Variants in ST6GAL1 observed in about 807,000 individuals in gnomAD.
ST6GAL1 encodes beta-galactoside alpha-2,6-sialyltransferase 1.
A neutral mutation model predicts 38.0 loss-of-function variants in ST6GAL1; 20 were observed. The ratio of observed to expected loss-of-function variants is 0.53; its 90% CI spans 0.37 to 0.77. ST6GAL1 has a LOEUF of 0.77. Among genes scored for constraint, ST6GAL1 ranks in the 30% least tolerant of loss-of-function variants. The pLI, the probability that ST6GAL1 is intolerant of heterozygous loss-of-function variation, is 0.00. For synonymous variants in ST6GAL1, 196 were observed against 188.2 expected (o/e 1.04, Z -0.34); for missense variants, 432 against 496.4 (o/e 0.87, Z 1.23).
chr3:187,047,911 G>T (rs1331801461), intron 4 of ST6GAL1, among the ~76,000 whole-genome samples: 1 of 151,056 alleles, frequency 6.6e-6, no homozygotes, highest in Non-Finnish European at 1.5e-5. Flanking sequence ...CCTCAAAAAA[G>T]TTTTCTCCTT....
chr3:187,022,426 G>A (rs571041919), intron 2 of ST6GAL1, among the ~76,000 whole-genome samples: 3 of 152,298 alleles, frequency 2.0e-5, no homozygotes, highest in Middle Eastern at 3.4e-3. Context: ...GGATTCTTTA[G>A]CTAACAGTAG....
intron 1 of ST6GAL1, among the ~76,000 whole-genome samples, chr3:186,957,667 T>A (rs1705039014): frequency 6.7e-6 from 1 of 149,600 alleles, no homozygotes; most frequent in African/African-American, 2.6e-5. Flanking sequence ...AAGAAAAGCT[T>A]CTTGACAGGA....
intron 2 of ST6GAL1, among the ~76,000 whole-genome samples, chr3:186,987,343 C>G (rs1433640099): frequency 6.6e-6 from 1 of 152,190 alleles, no homozygotes; most frequent in African/African-American, 2.4e-5. Flanking sequence ...TTACCACCTT[C>G]CTTATCCAGT....
At chr3:186,977,520 A>C (rs55958900) in intron 2 of ST6GAL1, among the ~76,000 whole-genome samples, 9,865 of 152,252 alleles carry the variant, frequency 0.065, 463 homozygotes, top group Non-Finnish European at 0.085. Context: ...TGAAAAGCTC[A>C]GAGCTACAAG....
chr3:186,985,299 G>A (rs964319643), intron 2 of ST6GAL1, among the ~76,000 whole-genome samples: 1 of 151,840 alleles, frequency 6.6e-6, no homozygotes, highest in Admixed American at 6.6e-5. Context: ...TTATATTTAC[G>A]GCTCTTAGTG....
At chr3:187,070,441 T>A (rs1388459816) in intron 5 of ST6GAL1, among the ~76,000 whole-genome samples, 1 of 149,066 alleles carries the variant, frequency 6.7e-6, no homozygotes, top group Non-Finnish European at 1.5e-5. Flanking sequence ...TTTTTTTTTT[T>A]TTTCGAGATG....
At chr3:186,978,677 A>T (rs1305327359) in intron 2 of ST6GAL1, among the ~76,000 whole-genome samples, 1 of 152,216 alleles carries the variant, frequency 6.6e-6, no homozygotes, top group African/African-American at 2.4e-5. Context: ...AAAACAATCT[A>T]ATAATGTTAT....
intron 1 of ST6GAL1, among the ~76,000 whole-genome samples, chr3:186,932,761 C>CT (rs11293711): frequency 4.6e-5 from 7 of 152,034 alleles, no homozygotes; most frequent in African/African-American, 1.7e-4. Flanking sequence ...ATTAAAGTTA[C>CT]TTTTTTTTTA....
chr3:186,999,547 G>A (rs1393394070), intron 2 of ST6GAL1, among the ~76,000 whole-genome samples: 1 of 152,026 alleles, frequency 6.6e-6, no homozygotes, highest in Non-Finnish European at 1.5e-5. Flanking sequence ...GAGTAGCTGG[G>A]ACTACAGGAG....
intron 1 of ST6GAL1, 75 bp from the exon 2 acceptor site, chr3:186,963,710 C>A (rs1169934889): frequency 6.6e-6 from 1 of 152,312 alleles, no homozygotes. Flanking sequence ...AGCAAAGACT[C>A]TTTCCTCCTG....
intron 2 of ST6GAL1, among the ~76,000 whole-genome samples, chr3:187,005,719 T>C (rs906886314): frequency 2.0e-5 from 3 of 152,186 alleles, no homozygotes; most frequent in Non-Finnish European, 4.4e-5. Context: ...CAAATTGCTT[T>C]TGAGATCCAC....
chr3:187,035,086 A>T (rs562799647), intron 2 of ST6GAL1, among the ~76,000 whole-genome samples: 35 of 152,336 alleles, frequency 2.3e-4, no homozygotes, highest in African/African-American at 8.2e-4. Context: ...ATAAAAATTC[A>T]TGGCATTTCC....
intron 2 of ST6GAL1, among the ~76,000 whole-genome samples, chr3:187,018,486 G>A (rs529786026): frequency 6.6e-6 from 1 of 152,320 alleles, no homozygotes; most frequent in East Asian, 1.9e-4. Context: ...AGGAAAGCCA[G>A]TCCGAGTCCC....
At chr3:187,050,589 G>A (rs972745116) in intron 4 of ST6GAL1, among the ~76,000 whole-genome samples, 2 of 151,158 alleles carry the variant, frequency 1.3e-5, no homozygotes, top group Non-Finnish European at 3.0e-5. Context: ...AGGGAGGGAA[G>A]GAAGGAAGGA....
chr3:187,029,088 T>TA (rs56166685), intron 2 of ST6GAL1, among the ~76,000 whole-genome samples: 19 of 105,962 alleles, frequency 1.8e-4, no homozygotes, highest in East Asian at 3.0e-4. Context: ...ACCTTGTCTC[T>TA]AAAAAAAAAA....
chr3:187,033,505 AT>A, intron 2 of ST6GAL1, among the ~76,000 whole-genome samples: 1 of 152,318 alleles, frequency 6.6e-6, no homozygotes, highest in East Asian at 1.9e-4. Context: ...AACCATTTAC[AT>A]TTTTTCTAGA....
chr3:186,948,204 G>GGAAT (rs1463467745), intron 1 of ST6GAL1, among the ~76,000 whole-genome samples: 1 of 152,238 alleles, frequency 6.6e-6, no homozygotes, highest in Non-Finnish European at 1.5e-5. Context: ...CCAAGCTACA[G>GGAAT]GAATGAATGT....
chr3:187,013,203 A>G (rs764183668), intron 2 of ST6GAL1, among the ~76,000 whole-genome samples: 6 of 152,208 alleles, frequency 3.9e-5, no homozygotes, highest in Non-Finnish European at 8.8e-5. Context: ...TTATGGCTCT[A>G]TAGAAGTGAT....
chr3:186,950,857 T>A (rs1386188254), intron 1 of ST6GAL1, among the ~76,000 whole-genome samples: 1 of 152,250 alleles, frequency 6.6e-6, no homozygotes, highest in Non-Finnish European at 1.5e-5. Flanking sequence ...ATTTGCTGCA[T>A]GCATGTTGTG....
Sources: gnomAD v4.1 joint callset for allele counts (sites outside exome capture counted in the v4.1 genomes callset) on GRCh38, gnomAD v4.1.1 for gene constraint, MANE v1.5 for transcripts, NCBI Gene and HGNC (gene_info 2026-07-23, HGNC 2026-07-21) for gene names.